KCNH5: variants seen among roughly 807,000 people sequenced by gnomAD.
KCNH5 encodes potassium voltage-gated channel subfamily H member 5, also known as voltage-gated delayed rectifier potassium channel KCNH5.
In KCNH5, 46 loss-of-function variants were observed where a neutral mutation model predicts 96.1. The observed-to-expected ratio is 0.48, with a 90% CI of 0.38 to 0.61. The LOEUF (loss-of-function observed/expected upper bound fraction) is 0.61. KCNH5 is among the 20% of genes least tolerant of loss of function. KCNH5 has a pLI of 0.00. For synonymous variants in KCNH5, 439 were observed against 449.8 expected (o/e 0.98, Z 0.30); for missense variants, 907 against 1,225.8 (o/e 0.74, Z 3.88).
chr14:62,777,195 C>T (rs1291671373), intron 10 of KCNH5, among the ~76,000 whole-genome samples: 1 of 152,180 alleles, frequency 6.6e-6, no homozygotes, highest in East Asian at 1.9e-4. Context: ...GACAGTGTTT[C>T]TGTGGAATAT....
chr14:62,764,932 A>T (rs1279710301), intron 10 of KCNH5, among the ~76,000 whole-genome samples: 2 of 152,228 alleles, frequency 1.3e-5, no homozygotes, highest in Non-Finnish European at 1.5e-5. Context: ...ATATTGTTAA[A>T]ATAACTATAA....
At chr14:62,963,565 G>A (rs767584834) in intron 6 of KCNH5, among the ~76,000 whole-genome samples, 4 of 152,074 alleles carry the variant, frequency 2.6e-5, no homozygotes, top group Non-Finnish European at 5.9e-5. Flanking sequence ...GACGAGATGA[G>A]ATGTTCCAGA....
intron 10 of KCNH5, among the ~76,000 whole-genome samples, chr14:62,769,207 C>A (rs1566654546): frequency 6.6e-6 from 1 of 152,252 alleles, no homozygotes; most frequent in South Asian, 2.1e-4. Context: ...CAAACGCCAT[C>A]ACGCCTGTGG....
At chr14:62,872,606 C>T (rs1595664566) in intron 7 of KCNH5, among the ~76,000 whole-genome samples, 1 of 151,892 alleles carries the variant, frequency 6.6e-6, no homozygotes, top group Admixed American at 6.6e-5. Context: ...GGCAGGAGAA[C>T]CGCTTGAATC....
At position 62,802,407 on chromosome 14, in the gene KCNH5, C is replaced by T; in HGVS notation, c.1744G>A (p.Glu582Lys). Residue 582 changes from glutamate to lysine, a missense_variant, in exon 9 of 11, where the codon GAA becomes AAA. Coordinates refer to ENST00000322893, the MANE Select transcript of KCNH5 (RefSeq NM_139318.5). ...ACAAAGCAGAGGGCATCCACACTTT[C>T]TCCAGCATGGTAAATGAGGTCCCCG... ...APGDLIYHAG[E>K]SVDALCFVVS... The T allele has an allele frequency of 6.2e-7, 1 of 1,614,182 alleles. No homozygotes were observed. Among genetic ancestry groups the T allele is most frequent in the Non-Finnish European group, 8.5e-7 (1 of 1,180,016 alleles).
At chr14:62,744,958 G>A (rs1478036765) in intron 10 of KCNH5, among the ~76,000 whole-genome samples, 3 of 152,186 alleles carry the variant, frequency 2.0e-5, no homozygotes, top group Non-Finnish European at 2.9e-5. Context: ...GAGGAGGAGT[G>A]AAGGGAGAAA....
At position 62,949,787 on chromosome 14, in the gene KCNH5, T is replaced by C. The variant is rs115863098; in HGVS notation, c.1369+346A>G. The C allele has an allele frequency of 7.6e-3, 1,658 of 217,442 alleles. 45 individuals carry two copies. Among genetic ancestry groups the C allele is most frequent in the African/African-American group, 0.038 (1,554 of 41,106 alleles). The allele number at this position is 217,442 out of a possible 1,614,324, so 13.5% of individuals were successfully genotyped here. A position where few individuals can be genotyped will look rare whatever the true frequency, so the allele number is the denominator to read the frequency against. On this transcript the variant is annotated intron_variant, in intron 7 of 10. Transcript: ENST00000322893. ...ATATTTATAAACAATATATTTCACA[T>C]CAGATCCTATCTCTTTTTTTTTTTT...
At chr14:62,728,561 T>A (rs956582631) in intron 10 of KCNH5, among the ~76,000 whole-genome samples, 2 of 152,172 alleles carry the variant, frequency 1.3e-5, no homozygotes, top group African/African-American at 4.8e-5. Context: ...ATATTTTTAT[T>A]AGTTTATAAT....
chr14:62,731,258 G>A (rs1195404729), intron 10 of KCNH5, among the ~76,000 whole-genome samples: 3 of 151,676 alleles, frequency 2.0e-5, no homozygotes, highest in South Asian at 2.1e-4. Context: ...CCAAGATCGC[G>A]CCACTGCACT....
intron 8 of KCNH5, among the ~76,000 whole-genome samples, chr14:62,803,870 G>C (rs1425432300): frequency 1.3e-5 from 2 of 152,018 alleles, no homozygotes; most frequent in Non-Finnish European, 2.9e-5. Flanking sequence ...GATTTTCTTT[G>C]ATCGGATTTC....
intron 10 of KCNH5, among the ~76,000 whole-genome samples, chr14:62,733,403 C>A (rs1311862238): frequency 6.6e-6 from 1 of 152,122 alleles, no homozygotes; most frequent in Non-Finnish European, 1.5e-5. Flanking sequence ...ACAGTCATCA[C>A]AAACCAGGAA....
chr14:62,935,704 G>A (rs1340203581), intron 7 of KCNH5, among the ~76,000 whole-genome samples: 2 of 152,100 alleles, frequency 1.3e-5, no homozygotes, highest in African/African-American at 4.8e-5. Context: ...TCTCTTCATT[G>A]AGACACTGTG....
At chr14:63,027,964 A>T (rs1163373812) in intron 1 of KCNH5, among the ~76,000 whole-genome samples, 1 of 152,106 alleles carries the variant, frequency 6.6e-6, no homozygotes, top group Non-Finnish European at 1.5e-5. Context: ...TACTCACTAC[A>T]TGAGAGGTAC....
intron 10 of KCNH5, among the ~76,000 whole-genome samples, chr14:62,749,504 G>A (rs1311083867): frequency 6.6e-6 from 1 of 152,194 alleles, no homozygotes; most frequent in African/African-American, 2.4e-5. Flanking sequence ...CAGTCTCCCA[G>A]CTGTGTTGTA....
At chr14:62,948,359 C>A (rs925952653) in intron 7 of KCNH5, among the ~76,000 whole-genome samples, 1 of 152,020 alleles carries the variant, frequency 6.6e-6, no homozygotes, top group Admixed American at 6.6e-5. Flanking sequence ...TACAAACTAC[C>A]ATCAGAGAAT....
chr14:63,025,122 A>G (rs1891501260), intron 1 of KCNH5, among the ~76,000 whole-genome samples: 1 of 152,178 alleles, frequency 6.6e-6, no homozygotes. Flanking sequence ...TAGCAGAATG[A>G]AGGACAAAAA....
intron 2 of KCNH5, among the ~76,000 whole-genome samples, chr14:63,014,043 T>C (rs932669219): frequency 6.6e-6 from 1 of 152,172 alleles, no homozygotes; most frequent in Non-Finnish European, 1.5e-5. Context: ...GTGAGGGCAT[T>C]AAACTGGTTG....
At chr14:62,846,945 C>T (rs1471068062) in intron 8 of KCNH5, among the ~76,000 whole-genome samples, 7 of 148,394 alleles carry the variant, frequency 4.7e-5, no homozygotes, top group East Asian at 2.0e-4. Context: ...GGACTACAGG[C>T]GCCCGCCAGC....
At chr14:62,729,240 A>G (rs1295447004) in intron 10 of KCNH5, among the ~76,000 whole-genome samples, 1 of 152,192 alleles carries the variant, frequency 6.6e-6, no homozygotes, top group African/African-American at 2.4e-5. Context: ...CTATAGCTTG[A>G]TTAATAACAC....
Sources: gnomAD v4.1 joint callset for allele counts (sites outside exome capture counted in the v4.1 genomes callset) on GRCh38, gnomAD v4.1.1 for gene constraint, MANE v1.5 for transcripts, NCBI Gene and HGNC (gene_info 2026-07-23, HGNC 2026-07-21) for gene names.